The following ROBO2 variants were observed in gnomAD, a reference collection of about 807,000 sequenced individuals.
ROBO2 encodes the protein roundabout guidance receptor 2, also known as roundabout homolog 2.
ROBO2 carries 53 observed loss-of-function variants against 160.8 expected under a neutral mutation model. The observed-to-expected ratio is 0.33, with a 90% CI of 0.26 to 0.41. The LOEUF (loss-of-function observed/expected upper bound fraction) is 0.41. ROBO2 is among the 10% of genes least tolerant of loss of function. The pLI is 1.00. For missense variants in ROBO2, 1,577 were observed against 1,722.4 expected, an observed-to-expected ratio of 0.92 and a Z score of 1.49; for synonymous variants, 664 against 611.7, an observed-to-expected ratio of 1.09 and a Z score of -1.26.
intron 2 of ROBO2, among the ~76,000 whole-genome samples, chr3:76,378,720 C>T (rs2076471953): frequency 6.6e-6 from 1 of 152,132 alleles, no homozygotes; most frequent in Non-Finnish European, 1.5e-5. Context: ...GAGATGAGTT[C>T]AATCTTCAGC....
At chr3:76,215,071 G>A (rs980031520) in intron 2 of ROBO2, among the ~76,000 whole-genome samples, 2 of 152,164 alleles carry the variant, frequency 1.3e-5, no homozygotes, top group African/African-American at 4.8e-5. Context: ...TGGACCTCCA[G>A]CAAACTCCAA....
chr3:76,893,178 A>C (rs545820879), intron 2 of ROBO2, among the ~76,000 whole-genome samples: 1 of 152,196 alleles, frequency 6.6e-6, no homozygotes, highest in South Asian at 2.1e-4. Context: ...CAATGTTATC[A>C]TCATCTCTTC....
In ROBO2 at chr3:76,435,009, G is replaced by A. The variant is rs2076604866; in HGVS notation, c.109+497407G>A. 4.7e-6 allele frequency: 7 copies of A among 1,478,092 alleles called. No individual in the cohort carries two copies. The East Asian group carries it at 1.4e-4, about 29-fold the overall frequency. The allele number at this position is 1,478,092 out of a possible 1,614,324, so 91.6% of individuals were successfully genotyped here. On this transcript the variant is annotated intron_variant, in intron 2 of 26. Transcript: ENST00000487694. ...GTGGAGAGTGGAAAATCAGGAAAATGTTTCCAACCTGGTGATTGAGGATGC... is the reference window on the plus strand; with the variant it reads ...GTGGAGAGTGGAAAATCAGGAAAATATTTCCAACCTGGTGATTGAGGATGC...
intron 22 of ROBO2, among the ~76,000 whole-genome samples, chr3:77,621,979 G>T (rs565539240): frequency 6.6e-6 from 1 of 151,986 alleles, no homozygotes; most frequent in South Asian, 2.1e-4. Context: ...TACTGGGCCC[G>T]TATTTTTTTT....
At chr3:76,515,760 G>A (rs962912412) in intron 2 of ROBO2, among the ~76,000 whole-genome samples, 2 of 152,090 alleles carry the variant, frequency 1.3e-5, no homozygotes, top group African/African-American at 2.4e-5. Flanking sequence ...ACCACTGAAT[G>A]GATAACCCAC....
intron 2 of ROBO2, among the ~76,000 whole-genome samples, chr3:77,304,338 CA>C (rs2062911809): frequency 6.6e-6 from 1 of 152,182 alleles, no homozygotes; most frequent in South Asian, 2.1e-4. Flanking sequence ...GCAGAGTGGC[CA>C]TTGCCTGAAG....
intron 2 of ROBO2, among the ~76,000 whole-genome samples, chr3:77,155,788 C>T (rs1021511645): frequency 1.3e-5 from 2 of 151,966 alleles, no homozygotes; most frequent in African/African-American, 4.8e-5. Context: ...TCGTTTGACC[C>T]CTCAAAAGCA....
At chr3:75,935,688 T>G (rs554980766) in intron 1 of ROBO2, among the ~76,000 whole-genome samples, 116 of 152,322 alleles carry the variant, frequency 7.6e-4, no homozygotes, top group African/African-American at 2.5e-3. Context: ...ATTTTCAATT[T>G]GAAGATGTAT....
At chr3:75,992,923 G>A (rs1288891251) in intron 2 of ROBO2, among the ~76,000 whole-genome samples, 1 of 152,182 alleles carries the variant, frequency 6.6e-6, no homozygotes, top group Non-Finnish European at 1.5e-5. Context: ...GGGGCCTTTA[G>A]CCCCCTTGTT....
At chr3:76,207,275 G>A (rs865786991) in intron 2 of ROBO2, among the ~76,000 whole-genome samples, 10 of 152,012 alleles carry the variant, frequency 6.6e-5, no homozygotes, top group Non-Finnish European at 1.2e-4. Flanking sequence ...CAGTTTAACC[G>A]ATATGTTTAC....
At chr3:76,210,499 C>A (rs1575887518) in intron 2 of ROBO2, among the ~76,000 whole-genome samples, 1 of 151,892 alleles carries the variant, frequency 6.6e-6, no homozygotes, top group African/African-American at 2.4e-5. Context: ...TTATATTGTG[C>A]CTTTGATTAT....
chr3:77,441,093 C>T (rs2079874747), intron 2 of ROBO2, among the ~76,000 whole-genome samples: 1 of 152,068 alleles, frequency 6.6e-6, no homozygotes, highest in South Asian at 2.1e-4. Context: ...TGTAGTTCTA[C>T]ACGTCATTTT....
intron 2 of ROBO2, among the ~76,000 whole-genome samples, chr3:76,521,205 C>G (rs375892854): frequency 2.0e-5 from 3 of 152,018 alleles, no homozygotes; most frequent in Non-Finnish European, 4.4e-5. Context: ...TGCGTCACCA[C>G]GCTTGGCTAA....
intron 2 of ROBO2, among the ~76,000 whole-genome samples, chr3:75,991,714 C>G (rs1354101561): frequency 6.6e-6 from 1 of 151,978 alleles, no homozygotes; most frequent in South Asian, 2.1e-4. Context: ...GAGGTTGGAA[C>G]AGTTGGGAGG....
At chr3:76,035,187 A>G (rs926737372) in intron 2 of ROBO2, among the ~76,000 whole-genome samples, 14 of 114,832 alleles carry the variant, frequency 1.2e-4, no homozygotes, top group African/African-American at 4.7e-4. Flanking sequence ...ATGTAAATAT[A>G]TCTTTTTTTT....
chr3:77,095,038 C>CT lies in ROBO2; in HGVS notation c.62-2969dup, dbSNP rs574876588. Among the ~76,000 whole-genome samples, 15 of 152,150 alleles carry CT rather than the reference C, an allele frequency of 9.9e-5. No homozygotes were observed. In the South Asian group the frequency reaches 3.1e-3, roughly 32 times the overall value. On this transcript the variant is annotated intron_variant, in intron 1 of 25. Transcript: ENST00000461745. ...AAATTTTATAACATCCAGTTTATCT[C>CT]TTTTTTTCTTTTGTTGCTTATGCTT... is the stretch of plus-strand genomic sequence containing the variant.
intron 2 of ROBO2, among the ~76,000 whole-genome samples, chr3:76,228,586 C>A (rs1704432864): frequency 6.6e-6 from 1 of 152,038 alleles, no homozygotes. Context: ...AATTCTTATT[C>A]TTGTATCTTT....
intron 2 of ROBO2, among the ~76,000 whole-genome samples, chr3:76,925,815 A>T (rs955041363): frequency 1.3e-5 from 2 of 152,180 alleles, no homozygotes; most frequent in Admixed American, 1.3e-4. Flanking sequence ...AGGTTCATTC[A>T]TTTATTCAGA....
At chr3:76,021,539 T>C (rs2066574544) in intron 2 of ROBO2, among the ~76,000 whole-genome samples, 1 of 151,786 alleles carries the variant, frequency 6.6e-6, no homozygotes, top group South Asian at 2.1e-4. Flanking sequence ...CTTGGAGATA[T>C]TGCAGATTCA....
Sources: allele counts gnomAD v4.1 joint callset (sites outside exome capture counted in the v4.1 genomes callset), GRCh38; gene constraint gnomAD v4.1.1; transcripts MANE v1.5; gene names NCBI Gene and HGNC (gene_info 2026-07-23, HGNC 2026-07-21).